Variants in C1orf87 observed in about 807,000 individuals in gnomAD.
C1orf87 encodes the protein uncharacterized protein C1orf87.
A neutral mutation model predicts 60.5 loss-of-function variants in C1orf87; 58 were observed. The observed-to-expected ratio is 0.96, with a 90% CI of 0.78 to 1.19. C1orf87 has a LOEUF of 1.19. Ranked by LOEUF, C1orf87 falls within the 50% of genes most tolerant of loss-of-function variation. C1orf87 has a pLI of 0.00. For missense variants in C1orf87, 673 were observed against 638.6 expected, an observed-to-expected ratio of 1.05 and a Z score of -0.58; for synonymous variants, 236 against 227.4, an observed-to-expected ratio of 1.04 and a Z score of -0.34.
At chr1:59,997,207 C>T (rs1463052870) in intron 11 of C1orf87, among the ~76,000 whole-genome samples, 1 of 152,116 alleles carries the variant, frequency 6.6e-6, no homozygotes, top group Non-Finnish European at 1.5e-5. Flanking sequence ...TTCATTATTA[C>T]TGGGCAGGAC....
At chr1:60,049,434 T>C (rs897176172) in intron 3 of C1orf87, among the ~76,000 whole-genome samples, 3 of 152,150 alleles carry the variant, frequency 2.0e-5, no homozygotes, top group African/African-American at 7.2e-5. Flanking sequence ...ATTTTGCCCA[T>C]TTTTCTAATA....
intron 7 of C1orf87, among the ~76,000 whole-genome samples, chr1:60,030,904 C>T (rs1645233553): frequency 6.6e-6 from 1 of 152,172 alleles, no homozygotes; most frequent in Non-Finnish European, 1.5e-5. Flanking sequence ...GGTCAGATTC[C>T]ATTGATTTTA....
At chr1:59,993,382 A>G (rs1644939053) in intron 11 of C1orf87, among the ~76,000 whole-genome samples, 1 of 152,152 alleles carries the variant, frequency 6.6e-6, no homozygotes, top group Non-Finnish European at 1.5e-5. Flanking sequence ...TCACTCAATA[A>G]TGTGAAATTT....
In C1orf87 at chr1:60,028,037, T is replaced by C. The variant is rs114558898; in HGVS notation, c.1030-2539A>G. On this transcript the variant is annotated intron_variant, in intron 7 of 11. Transcript: ENST00000371201. ...TTGAAAAATAAAGGATCAATAATTA[T>C]TGAGTAAATGTATATATGGGTGAAA... Among the ~76,000 whole-genome samples, 991 of 152,190 alleles carry C rather than the reference T, an allele frequency of 6.5e-3. 15 individuals are homozygous for C. Among genetic ancestry groups the C allele is most frequent in the African/African-American group, 0.023 (941 of 41,514 alleles).
chr1:60,056,617 C>T (rs1199228507), intron 2 of C1orf87, among the ~76,000 whole-genome samples: 1 of 152,136 alleles, frequency 6.6e-6, no homozygotes, highest in Non-Finnish European at 1.5e-5. Context: ...ACGTGTGTGC[C>T]TATTCCATGT....
chr1:60,060,748 A>G (rs1420608311), intron 2 of C1orf87, among the ~76,000 whole-genome samples: 1 of 152,140 alleles, frequency 6.6e-6, no homozygotes, highest in Non-Finnish European at 1.5e-5. Flanking sequence ...AAGCAATCAC[A>G]TTCCTTAATT....
At chr1:60,050,551 G>T (rs1269799298) in intron 3 of C1orf87, among the ~76,000 whole-genome samples, 1 of 150,704 alleles carries the variant, frequency 6.6e-6, no homozygotes. Flanking sequence ...TTCATTAACT[G>T]TCTTGAGATT....
intron 8 of C1orf87, among the ~76,000 whole-genome samples, chr1:60,021,231 T>C (rs995470550): frequency 2.6e-5 from 4 of 152,200 alleles, no homozygotes; most frequent in Admixed American, 1.3e-4. Flanking sequence ...TAGTTCCTTA[T>C]AGCACTGTGA....
At chr1:60,044,540 C>T (rs1005607819) in intron 3 of C1orf87, among the ~76,000 whole-genome samples, 6 of 152,148 alleles carry the variant, frequency 3.9e-5, no homozygotes, top group African/African-American at 1.2e-4. Flanking sequence ...TGACACCCCC[C>T]CACATCAAGA....
intron 2 of C1orf87, among the ~76,000 whole-genome samples, chr1:60,056,793 A>G (rs1021896179): frequency 2.0e-5 from 3 of 152,212 alleles, no homozygotes; most frequent in African/African-American, 7.2e-5. Flanking sequence ...AATAAGTTTC[A>G]AAGTAGCTAT....
chr1:60,032,861 TGCTTGGCACTTAGTAAAA>T (rs1484816190), intron 7 of C1orf87, among the ~76,000 whole-genome samples: 3 of 152,182 alleles, frequency 2.0e-5, no homozygotes, highest in African/African-American at 7.2e-5. Context: ...TTTAGCACGG[TGCTTGGCACTTAGTAAAA>T]GTGTAGTGAT....
At chr1:60,042,629 T>A (rs1377205958) in intron 3 of C1orf87, among the ~76,000 whole-genome samples, 3 of 142,284 alleles carry the variant, frequency 2.1e-5, no homozygotes, top group African/African-American at 8.0e-5. Flanking sequence ...ACCACATGGG[T>A]GTCCTGCTCA....
intron 10 of C1orf87, among the ~76,000 whole-genome samples, chr1:60,000,365 T>G (rs1644993526): frequency 6.6e-6 from 1 of 152,112 alleles, no homozygotes; most frequent in Non-Finnish European, 1.5e-5. Flanking sequence ...GACTTAACAC[T>G]CAAGGAGAAA....
At chr1:60,021,400 A>G (rs1645162363) in intron 8 of C1orf87, among the ~76,000 whole-genome samples, 2 of 152,236 alleles carry the variant, frequency 1.3e-5, no homozygotes, top group South Asian at 4.1e-4. Flanking sequence ...GTTAGCAAAT[A>G]AAATGACTGG....
At chr1:60,030,772 G>A (rs1245273934) in intron 7 of C1orf87, among the ~76,000 whole-genome samples, 1 of 152,224 alleles carries the variant, frequency 6.6e-6, no homozygotes, top group Non-Finnish European at 1.5e-5. Context: ...TATCCACATT[G>A]CCTTGGCAGT....
chr1:59,994,123 A>C (rs903713877), intron 11 of C1orf87, among the ~76,000 whole-genome samples: 1 of 152,196 alleles, frequency 6.6e-6, no homozygotes. Context: ...CTTTTATCTC[A>C]TTTGATCCGT....
At chr1:60,054,968 G>GTCATGACGAACTTCTTTGGTGA (rs1645442113) in intron 3 of C1orf87, among the ~76,000 whole-genome samples, 2 of 152,252 alleles carry the variant, frequency 1.3e-5, no homozygotes, top group East Asian at 3.9e-4. Flanking sequence ...TCCATTGGTT[G>GTCATGACGAACTTCTTTGGTGA]TCATGACCAA....
At chr1:60,001,919 G>A (rs920853511) in intron 9 of C1orf87, among the ~76,000 whole-genome samples, 27 of 152,100 alleles carry the variant, frequency 1.8e-4, no homozygotes, top group African/African-American at 6.0e-4. Flanking sequence ...TCCACAGGAT[G>A]CAGGAAAAAC....
In C1orf87 at chr1:60,055,137, C is replaced by T. The variant is rs376891149; in HGVS notation, c.342+67G>A. The T allele has an allele frequency of 1.9e-5, 26 of 1,338,542 alleles. No individual in the cohort carries two copies. The East Asian group carries it at 5.0e-4, about 26-fold the overall frequency. The allele number at this position is 1,338,542 out of a possible 1,614,324, so 82.9% of individuals were successfully genotyped here. A position where few individuals can be genotyped will look rare whatever the true frequency, so the allele number is the denominator to read the frequency against. On this transcript the variant is annotated intron_variant, in intron 3 of 11. Coordinates refer to ENST00000371201, the MANE Select transcript of C1orf87 (RefSeq NM_152377.3). ...TTTGTACAGTGTGTTTTTGTGTGAA[C>T]CTATGTTTTTATCTATATTTTCCTA...
Sources: gnomAD v4.1 joint callset for allele counts (sites outside exome capture counted in the v4.1 genomes callset) on GRCh38, gnomAD v4.1.1 for gene constraint, MANE v1.5 for transcripts, NCBI Gene and HGNC (gene_info 2026-07-23, HGNC 2026-07-21) for gene names.